The following PPP2R2A variants were observed in gnomAD, a reference collection of about 807,000 sequenced individuals.
PPP2R2A encodes protein phosphatase 2 regulatory subunit Balpha.
Under a neutral mutation model 53.2 loss-of-function variants are expected in PPP2R2A, and 9 were observed. That is an observed-to-expected ratio of 0.17 (90% CI 0.10 to 0.30). PPP2R2A has a LOEUF of 0.30. Among genes scored for constraint, PPP2R2A ranks in the 10% least tolerant of loss-of-function variants. The pLI is 1.00. For synonymous variants in PPP2R2A, 169 were observed against 174.2 expected (o/e 0.97, Z 0.23); for missense variants, 235 against 534.6 (o/e 0.44, Z 5.53).
intron 2 of PPP2R2A, among the ~76,000 whole-genome samples, chr8:26,323,535 A>G (rs777122878): frequency 4.6e-5 from 7 of 152,240 alleles, no homozygotes; most frequent in Admixed American, 1.3e-4. Flanking sequence ...AGAGGTTACC[A>G]AGACCTCCTT....
chr8:26,339,133 T>G, intron 3 of PPP2R2A, 146 bp downstream of exon 3: 1 of 597,818 alleles, frequency 1.7e-6, no homozygotes, highest in Non-Finnish European at 3.0e-6. Context: ...TAGACAGCTC[T>G]GGTTCTCTTA....
chr8:26,366,242 T>A, intron 8 of PPP2R2A, 73 bp from the exon 9 acceptor site: 1 of 1,237,214 alleles, frequency 8.1e-7, no homozygotes, highest in Non-Finnish European at 1.2e-6. Context: ...TGCCCTTTTT[T>A]TCTTTTTAAA....
At chr8:26,303,802 A>AT (rs1473830215) in intron 2 of PPP2R2A, among the ~76,000 whole-genome samples, 4 of 152,290 alleles carry the variant, frequency 2.6e-5, no homozygotes, top group African/African-American at 9.6e-5. Flanking sequence ...TTTTTAGTTA[A>AT]TTTTGGCAGT....
At chr8:26,331,917 C>T (rs1429784362) in intron 2 of PPP2R2A, among the ~76,000 whole-genome samples, 1 of 152,054 alleles carries the variant, frequency 6.6e-6, no homozygotes, top group Non-Finnish European at 1.5e-5. Context: ...TGAGTTTTAA[C>T]CTTTTAAATT....
At chr8:26,309,056 T>G (rs1302628787) in intron 2 of PPP2R2A, among the ~76,000 whole-genome samples, 2 of 152,156 alleles carry the variant, frequency 1.3e-5, no homozygotes, top group African/African-American at 4.8e-5. Flanking sequence ...AGTTGGGGTT[T>G]CAATGTGTTG....
At chr8:26,312,180 A>G (rs1563289452) in intron 2 of PPP2R2A, among the ~76,000 whole-genome samples, 1 of 152,234 alleles carries the variant, frequency 6.6e-6, no homozygotes, top group African/African-American at 2.4e-5. Context: ...TGGAAAGCAA[A>G]TGTTATTATA....
chr8:26,293,152 C>A, intron 1 of PPP2R2A: 1 of 1,279,242 alleles, frequency 7.8e-7, no homozygotes, highest in Non-Finnish European at 1.1e-6. Context: ...CAGTGATTTG[C>A]TGGTAATGAA....
At chr8:26,322,993 C>A (rs2117272292) in intron 2 of PPP2R2A, among the ~76,000 whole-genome samples, 1 of 152,304 alleles carries the variant, frequency 6.6e-6, no homozygotes. Flanking sequence ...CAATTCATCA[C>A]TGCCTCCTTT....
At position 26,370,256 on chromosome 8, in the gene PPP2R2A, A is replaced by G. The variant is rs1345686017; in HGVS notation, c.1187A>G (p.Lys396Arg). The change falls in exon 10 of 10, where the codon AAA (lysine) becomes AGA (arginine). Residue 396 changes from lysine (K) to arginine (R), a missense_variant. Transcript: ENST00000380737. This position sits in a 1 kb window ranked among gnomAD's most constrained non-coding sequence, Gnocchi z 6.1. ...NKPRTVLKPR[K>R]VCASGKRKKD... ...CCTCGCACAGTTCTGAAGCCTCGCA[A>G]AGTCTGTGCAAGTGGCAAGCGAAAG... 1 of 1,614,060 alleles carries G rather than the reference A, an allele frequency of 6.2e-7. No individual in the cohort carries two copies. The highest frequency in any genetic ancestry group is 8.5e-7 in the Non-Finnish European group (1 of 1,180,032).
Position 26,321,095 on chromosome 8 carries a change from TAGC to T in PPP2R2A, c.83-17792_83-17790del, listed in dbSNP as rs1241593547. Reference sequence around the variant, plus strand: ...TGCCATAACTAAACTAAAAAAATTTTAGCAGGAAACAGTACAAACAAGAAACAT... The same window carrying T: ...TGCCATAACTAAACTAAAAAAATTTTAGGAAACAGTACAAACAAGAAACAT... On this transcript the variant is annotated intron_variant, in intron 2 of 9. Transcript: ENST00000380737. This position sits in a 1 kb window ranked among gnomAD's most constrained non-coding sequence, Gnocchi z 4.1. Among the ~76,000 whole-genome samples the T allele has an allele frequency of 6.6e-6, 1 of 152,210 alleles. No individual in the cohort carries two copies. The highest frequency in any genetic ancestry group is 1.5e-5 in the Non-Finnish European group (1 of 68,038).
chr8:26,332,414 TG>T (rs1213542489), intron 2 of PPP2R2A, among the ~76,000 whole-genome samples: 6 of 152,046 alleles, frequency 3.9e-5, no homozygotes, highest in African/African-American at 1.4e-4. Flanking sequence ...AAATACCTTT[TG>T]AAAAAAAAAT....
chr8:26,333,506 T>G (rs1803488014), intron 2 of PPP2R2A: 1 of 1,232,722 alleles, frequency 8.1e-7, no homozygotes, highest in Non-Finnish European at 1.1e-6. Flanking sequence ...TGAGACATAG[T>G]CCTCAAGTGG....
chr8:26,322,604 A>G (rs1244529018), intron 2 of PPP2R2A, among the ~76,000 whole-genome samples: 1 of 152,100 alleles, frequency 6.6e-6, no homozygotes, highest in Non-Finnish European at 1.5e-5. Context: ...AAAAAAAAAG[A>G]CTTAACTACA....
intron 3 of PPP2R2A, among the ~76,000 whole-genome samples, chr8:26,343,081 T>C (rs1272808353): frequency 1.3e-5 from 2 of 151,880 alleles, no homozygotes; most frequent in African/African-American, 4.8e-5. Flanking sequence ...GACTGAAATA[T>C]GAGGATCACT....
chr8:26,353,975 A>G (rs563983765), intron 3 of PPP2R2A, among the ~76,000 whole-genome samples: 1 of 152,302 alleles, frequency 6.6e-6, no homozygotes, highest in East Asian at 1.9e-4. Flanking sequence ...TTCAGCAGCG[A>G]AATAACCAAA....
At chr8:26,365,083 A>G (rs1585413557) in intron 8 of PPP2R2A, 2 of 152,226 alleles carry the variant, frequency 1.3e-5, no homozygotes, top group East Asian at 3.8e-4. Flanking sequence ...ACTGATGTAT[A>G]GTGAGAAACT....
chr8:26,357,310 A>C (rs1018961714), intron 4 of PPP2R2A, among the ~76,000 whole-genome samples: 1 of 123,632 alleles, frequency 8.1e-6, no homozygotes, highest in Non-Finnish European at 1.6e-5. Flanking sequence ...TAATGGGTCT[A>C]TATAAAAACT....
chr8:26,322,566 C>G (rs1346286535), intron 2 of PPP2R2A, among the ~76,000 whole-genome samples: 1 of 151,262 alleles, frequency 6.6e-6, no homozygotes, highest in East Asian at 1.9e-4. Flanking sequence ...TGCAGGAACT[C>G]AAAGTATATC....
At chr8:26,337,947 T>A (rs1353643945) in intron 2 of PPP2R2A, among the ~76,000 whole-genome samples, 1 of 152,236 alleles carries the variant, frequency 6.6e-6, no homozygotes, top group Non-Finnish European at 1.5e-5. Context: ...TACATGTCAG[T>A]AAATTTAAAA....
Sources: allele counts gnomAD v4.1 joint callset (sites outside exome capture counted in the v4.1 genomes callset), GRCh38; gene constraint gnomAD v4.1.1; non-coding constraint Gnocchi (gnomAD v3.1); transcripts MANE v1.5; gene names NCBI Gene and HGNC (gene_info 2026-07-23, HGNC 2026-07-21).